Variants in SAMD9 observed in about 807,000 individuals in gnomAD.
The protein encoded by SAMD9 is sterile alpha motif domain-containing protein 9.
In SAMD9, 3 loss-of-function variants were observed where a neutral mutation model predicts 1.5. The observed-to-expected ratio is 2.05, with a 90% confidence interval of 0.93 to 5.29. SAMD9 has a LOEUF of 5.29. Among genes scored for constraint, SAMD9 ranks in the 30% most tolerant of loss-of-function variants. SAMD9 has a pLI of 0.02. For missense variants in SAMD9, 1,597 were observed against 1,820.8 expected (o/e 0.88, Z 2.24); for synonymous variants, 635 against 631.9 (o/e 1.00, Z -0.07).
rs1410424628 is a variant in SAMD9 at position 93,104,550 on chromosome 7, T to A, written c.1548A>T (p.Glu516Asp). The A allele has an allele frequency of 1.9e-6, 3 of 1,613,928 alleles. No individual in the cohort carries two copies. The South Asian group carries it at 3.3e-5, about 18-fold the overall frequency. Reference sequence around the variant, plus strand: ...TCAGTTTCCTGACATCAGAAGCTCTTTCTCTTTGCCAGGAACTTGGATCAA... The same window carrying A: ...TCAGTTTCCTGACATCAGAAGCTCTATCTCTTTGCCAGGAACTTGGATCAA... ...KPFDPSSWQR[E>D]RASDVRKLIS... Residue 516 changes from glutamate (E) to aspartate (D), a missense_variant, in exon 3 of 3, where the codon GAA (glutamate) becomes GAT (aspartate). Transcript: ENST00000379958.
intron 2 of SAMD9, among the ~76,000 whole-genome samples, chr7:93,108,834 C>A (rs946028755): frequency 6.6e-6 from 1 of 152,134 alleles, no homozygotes; most frequent in African/African-American, 2.4e-5. Context: ...CACAGCAGCT[C>A]AAGGAGGCCT....
intron 1 of SAMD9, among the ~76,000 whole-genome samples, chr7:93,117,250 T>C (rs536849854): frequency 7.0e-6 from 1 of 141,856 alleles, no homozygotes; most frequent in South Asian, 2.1e-4. Flanking sequence ...TCTTTATCTA[T>C]CTTTCCGTTT....
intron 2 of SAMD9, among the ~76,000 whole-genome samples, chr7:93,107,328 G>A (rs540633877): frequency 6.6e-6 from 1 of 152,310 alleles, no homozygotes; most frequent in Admixed American, 6.5e-5. Context: ...GTTGGCTACT[G>A]TTGTATTAAA....
At position 93,105,707 on chromosome 7, in the gene SAMD9, T is replaced by G. The variant is rs1791627486; in HGVS notation, c.391A>C (p.Thr131Pro). The G allele has an allele frequency of 6.2e-7, 1 of 1,613,996 alleles. No homozygotes were observed. The highest frequency in any genetic ancestry group is 8.5e-7 in the Non-Finnish European group (1 of 1,180,002). The part of the protein sequence containing the change: ...DMANPSAMST[T>P]AKGSKSLKVE... The stretch of plus-strand genomic sequence containing the variant: ...TTTAGTGACTTAGAACCTTTAGCAG[T>G]TGTACTCATTGCAGACGGATTAGCC... Residue 131 changes from threonine to proline, a missense_variant, in exon 3 of 3, where the codon ACT becomes CCT. Transcript: ENST00000379958.
rs559163594 is a variant in SAMD9, at chr7:93,105,796, A to G, written c.302T>C (p.Val101Ala). The change falls in exon 3 of 3, where the codon GTG becomes GCG. Residue 101 changes from valine (V) to alanine (A), a missense_variant. By Grantham distance (64) the Val-to-Ala change is moderately conservative (BLOSUM62 0). This residue lies in a region of SAMD9 where 498 missense variants were observed against 457.4 expected (regional missense o/e 1.09). Transcript: ENST00000379958. ...PSKNAPKDQT[V>A]SQKERRETSK... The stretch of plus-strand genomic sequence containing the variant: ...AGTTTCTCTACGTTCCTTTTGAGAC[A>G]CAGTTTGGTCTTTAGGAGCATTTTT... The G allele has an allele frequency of 4.3e-6, 7 of 1,614,132 alleles. No homozygotes were observed. In the African/African-American group the frequency reaches 9.3e-5, roughly 22 times the overall value.
rs1343979935 is a variant in SAMD9 at position 93,102,175 on chromosome 7, C to A, written c.3923G>T (p.Cys1308Phe). The A allele has an allele frequency of 6.2e-7, 1 of 1,613,516 alleles. No homozygotes were observed. The highest frequency in any genetic ancestry group is 1.1e-5 in the South Asian group (1 of 91,062). The change falls in exon 3 of 3, where the codon TGT (cysteine) becomes TTT (phenylalanine). Residue 1308 changes from cysteine to phenylalanine, a missense_variant. Cys to Phe is a radical substitution (Grantham distance 205). This residue lies in a region of SAMD9 where 682 missense variants were observed against 810.0 expected (regional missense o/e 0.84). Transcript: ENST00000379958. ...GTTGTTTTGTGATTCTTCTAAGAGA[C>A]AAAATATATCTACATATTTCTTAAA... The part of the protein sequence containing the change: ...GYFKKYVDIF[C>F]LLEESQNNTG...
rs138600971 is a variant in SAMD9, at chr7:93,101,996, C to T, written c.4102G>A (p.Glu1368Lys). The T allele has an allele frequency of 1.9e-3, 3,024 of 1,613,526 alleles. 7 individuals are homozygous for T. Among genetic ancestry groups the T allele is most frequent in the Non-Finnish European group, 2.3e-3 (2,768 of 1,179,634 alleles). ...CATTGTTCTAAGAGAAAAGTATATT[C>T]GTTCACTATACATTTCATAGTGCTT... ...AISTMKCIVN[E>K]YTFLLEQCTV... Residue 1368 changes from glutamate (E) to lysine (K), a missense_variant, in exon 3 of 3, where the codon GAA (glutamate) becomes AAA (lysine). Glu to Lys is a moderately conservative substitution (Grantham distance 56, BLOSUM62 1). Around this residue, in one of 6 missense-constraint regions of SAMD9, gnomAD observed 682 missense variants for 810.0 expected, o/e 0.84. Transcript: ENST00000379958.
chr7:93,109,164 C>G (rs909305881), intron 2 of SAMD9, among the ~76,000 whole-genome samples: 1 of 152,224 alleles, frequency 6.6e-6, no homozygotes, highest in African/African-American at 2.4e-5. Context: ...TCTGCAACCT[C>G]TGCCGCTGAT....
Position 93,102,846 on chromosome 7 carries a change from A to G in SAMD9, c.3252T>C (p.Ile1084=). ...AGAAATGTCTTGCCAACGCTTGGCA[A>G]ATGAATGCATTTGGGTTGAACCGAT... ...SIHRFNPNAF[I]CQALARHFYI... is the part of the protein sequence containing the mutation. Residue 1084 remains isoleucine (I), a synonymous_variant, in exon 3 of 3, where the codon ATT becomes ATC. Transcript: ENST00000379958. The G allele has an allele frequency of 6.2e-7, 1 of 1,613,868 alleles. No individual in the cohort carries two copies. The highest frequency in any genetic ancestry group is 8.5e-7 in the Non-Finnish European group (1 of 1,179,800).
Position 93,102,856 on chromosome 7 carries a change from T to A in SAMD9, c.3242A>T (p.Asn1081Ile), listed in dbSNP as rs1484175187. 1.2e-6 allele frequency: 2 copies of A among 1,613,860 alleles called. No individual in the cohort carries two copies. Among genetic ancestry groups the A allele is most frequent in the Non-Finnish European group, 1.7e-6 (2 of 1,179,780 alleles). Residue 1081 changes from asparagine to isoleucine, a missense_variant, in exon 3 of 3, where the codon AAT (asparagine) becomes ATT (isoleucine). Transcript: ENST00000379958. ...LLESIHRFNPNAFICQALARH... is the reference protein window; with the variant it reads ...LLESIHRFNPIAFICQALARH... ...TGCCAACGCTTGGCAAATGAATGCATTTGGGTTGAACCGATGGATACTTTC... is the reference window on the plus strand; with the variant it reads ...TGCCAACGCTTGGCAAATGAATGCAATTGGGTTGAACCGATGGATACTTTC...
rs1791498126 is a variant in SAMD9, at chr7:93,099,892, C to A, written c.*1436G>T. The A allele has an allele frequency of 6.6e-6, 1 of 152,248 alleles. No homozygotes were observed. Among genetic ancestry groups the A allele is most frequent in the African/African-American group, 2.4e-5 (1 of 41,552 alleles). The allele number at this position is 152,248 out of a possible 1,614,324, so 9.4% of individuals were successfully genotyped here. ...TATTTACAAATACTTTAGTATGTATCTCTAAAAGGCATGAACTCTTTAAAA... is the reference window on the plus strand; with the variant it reads ...TATTTACAAATACTTTAGTATGTATATCTAAAAGGCATGAACTCTTTAAAA... On this transcript the variant is annotated 3_prime_UTR_variant, in exon 3 of 3. Coordinates refer to ENST00000379958, the MANE Select transcript of SAMD9 (RefSeq NM_017654.4).
rs1044594647 is a variant in SAMD9 at position 93,117,873 on chromosome 7, T to C, written c.-120A>G. ...AGATATTGTACTTACCCAGTAGTCT[T>C]GCAAATTTCTTTTACATATATGTGG... On this transcript the variant is annotated 5_prime_UTR_variant, in exon 1 of 3. Transcript: ENST00000379958. 2 of 152,236 alleles carry C rather than the reference T, an allele frequency of 1.3e-5. No homozygotes were observed. The highest frequency in any genetic ancestry group is 1.3e-4 in the Admixed American group (2 of 15,282). 9.4% of individuals were successfully genotyped at this position (152,236 alleles called of 1,614,324 possible). A position where few individuals can be genotyped will look rare whatever the true frequency, so the allele number is the denominator to read the frequency against.
At chr7:93,110,902 CAG>C (rs1791731006) in intron 2 of SAMD9, among the ~76,000 whole-genome samples, 1 of 152,220 alleles carries the variant, frequency 6.6e-6, no homozygotes. Flanking sequence ...ATCCACGAGA[CAG>C]AAAGTTAACA....
In SAMD9 at chr7:93,103,331, G is replaced by A. The variant is rs755110531; in HGVS notation, c.2767C>T (p.Leu923Phe). The A allele has an allele frequency of 1.1e-5, 17 of 1,613,592 alleles. No homozygotes were observed. The highest frequency in any genetic ancestry group is 1.4e-5 in the Non-Finnish European group (16 of 1,179,664). Residue 923 changes from leucine (L) to phenylalanine (F), a missense_variant, in exon 3 of 3, where the codon CTT becomes TTT. Transcript: ENST00000379958. ...KEAKLFSFLA[L>F]LNSYVPDTTI... Reference sequence around the variant, plus strand: ...GTATCAGGCACATATGAATTAAGAAGAGCCAGAAAAGAAAAGAGCTTTGCT... The same window carrying A: ...GTATCAGGCACATATGAATTAAGAAAAGCCAGAAAAGAAAAGAGCTTTGCT...
Position 93,105,792 on chromosome 7 carries a change from A to C in SAMD9, c.306T>G (p.Ser102=). The C allele has an allele frequency of 6.2e-7, 1 of 1,614,082 alleles. No homozygotes were observed. The change falls in exon 3 of 3, where the codon TCT becomes TCG. Residue 102 remains serine (S), a synonymous_variant. Coordinates refer to ENST00000379958, the MANE Select transcript of SAMD9 (RefSeq NM_017654.4). ...SKNAPKDQTV[S]QKERRETSKQ... ...TTGAAGTTTCTCTACGTTCCTTTTG[A>C]GACACAGTTTGGTCTTTAGGAGCAT...
intron 2 of SAMD9, among the ~76,000 whole-genome samples, chr7:93,111,727 C>G (rs185922902): frequency 7.2e-5 from 11 of 152,208 alleles, no homozygotes; most frequent in East Asian, 3.9e-4. Context: ...ATAAATTCCT[C>G]GACACATACA....
In SAMD9 at chr7:93,104,030, A is replaced by G. The variant is rs867874670; in HGVS notation, c.2068T>C (p.Ser690Pro). The G allele has an allele frequency of 1.2e-6, 2 of 1,613,860 alleles. No individual in the cohort carries two copies. Residue 690 changes from serine to proline, a missense_variant, in exon 3 of 3, where the codon TCA becomes CCA. Around this residue, in one of 6 missense-constraint regions of SAMD9, gnomAD observed 358 missense variants for 460.4 expected, o/e 0.78. Transcript: ENST00000379958. The stretch of plus-strand genomic sequence containing the variant: ...GAAGAGAAGTAGAAGTTCCACCATG[A>G]CACTTTGCCACCTCGATAGAAGTCT... ...EEDFYRGGKVSWWNFYFSSES... is the reference protein window; with the variant it reads ...EEDFYRGGKVPWWNFYFSSES...
intron 2 of SAMD9, among the ~76,000 whole-genome samples, chr7:93,112,185 A>G (rs1352863979): frequency 1.3e-5 from 2 of 152,202 alleles, no homozygotes; most frequent in Non-Finnish European, 2.9e-5. Flanking sequence ...CATCATATAA[A>G]CAGAACCAAA....
chr7:93,108,234 C>T (rs1156623071), intron 2 of SAMD9, among the ~76,000 whole-genome samples: 15 of 152,098 alleles, frequency 9.9e-5, no homozygotes, highest in African/African-American at 1.4e-4. Context: ...TTGTGATGTC[C>T]GGGGGACTGC....
Sources: gnomAD v4.1 joint callset for allele counts (sites outside exome capture counted in the v4.1 genomes callset) on GRCh38, gnomAD v4.1.1 for gene constraint, gnomAD v4.1.1 regional missense constraint, MANE v1.5 for transcripts, NCBI Gene and HGNC (gene_info 2026-07-23, HGNC 2026-07-21) for gene names.